Variants in PFKFB3 observed in about 807,000 individuals in gnomAD.
PFKFB3 encodes the protein 6-phosphofructo-2-kinase/fructose-2,6-biphosphatase 3.
PFKFB3 carries 33 observed loss-of-function variants against 68.0 expected under a neutral mutation model. The observed-to-expected ratio is 0.49, with a 90% CI of 0.37 to 0.65. The LOEUF is 0.65. Ranked by LOEUF, PFKFB3 falls within the 30% of genes least tolerant of loss-of-function variation. The pLI is 0.00. For synonymous variants in PFKFB3, 315 were observed against 288.2 expected (o/e 1.09, Z -0.94); for missense variants, 586 against 712.2 (o/e 0.82, Z 2.02).
intron 1 of PFKFB3, among the ~76,000 whole-genome samples, chr10:6,164,751 A>G (rs1842076964): frequency 1.3e-5 from 2 of 152,278 alleles, no homozygotes; most frequent in Admixed American, 1.3e-4. Flanking sequence ...TGTATCATGA[A>G]TAAGTTCAAG....
the PFKFB3 span, among the ~76,000 whole-genome samples, chr10:6,286,629 C>T: frequency 3.1e-4 from 47 of 152,340 alleles, no homozygotes; most frequent in African/African-American, 7.2e-4. Context: ...CTGCCCAACT[C>T]GGCCTCCCAA....
the PFKFB3 span, among the ~76,000 whole-genome samples, chr10:6,284,272 G>T: frequency 6.6e-6 from 1 of 152,114 alleles, no homozygotes; most frequent in African/African-American, 2.4e-5. Flanking sequence ...TTTTTATACC[G>T]GGGTGTTGAA....
rs1472418004 is a variant in PFKFB3, at chr10:6,228,859, A to G, written c.1515+2494A>G. Among the ~76,000 whole-genome samples, 4 of 152,098 alleles carry G rather than the reference A, an allele frequency of 2.6e-5. No individual in the cohort carries two copies. Among genetic ancestry groups the G allele is most frequent in the Non-Finnish European group, 5.9e-5 (4 of 68,010 alleles). ...TGGGTGCAGCCTCCATCTCTAACCC[A>G]TGTGGTCACTTCTGCTCCTCCCAGA... On this transcript the variant is annotated intron_variant, in intron 14 of 14. Transcript: ENST00000379775. The surrounding 1 kb of genome is among the most constrained non-coding windows in gnomAD (Gnocchi z 4.5).
chr10:6,260,948 T>G, the PFKFB3 span, among the ~76,000 whole-genome samples: 1 of 152,198 alleles, frequency 6.6e-6, no homozygotes, highest in Non-Finnish European at 1.5e-5. Flanking sequence ...ATGTGTTCAA[T>G]TTTGGTAGCT....
chr10:6,221,835 C>T (rs1844985802), intron 10 of PFKFB3, 90 bp downstream of exon 10: 4 of 851,536 alleles, frequency 4.7e-6, no homozygotes, highest in African/African-American at 1.7e-5. Flanking sequence ...AGTTCACTTC[C>T]GTGTGGGTTC....
At chr10:6,210,598 C>T (rs544911595) in intron 1 of PFKFB3, among the ~76,000 whole-genome samples, 2 of 27,228 alleles carry the variant, frequency 7.3e-5, no homozygotes, top group African/African-American at 1.7e-4. Flanking sequence ...TTTTAATAGA[C>T]GGGGTTTCGC....
intron 8 of PFKFB3, 39 bp from the exon 9 acceptor site, chr10:6,221,342 G>C (rs1321166762): frequency 6.8e-6 from 11 of 1,610,800 alleles, no homozygotes; most frequent in Non-Finnish European, 9.3e-6. Flanking sequence ...AGGAGCTGCG[G>C]GCATCTGGAA....
rs1448051374 is a variant in PFKFB3, at chr10:6,251,062, G to A, written c.1516-3116G>A. Among the ~76,000 whole-genome samples the A allele has an allele frequency of 4.6e-5, 7 of 152,174 alleles. No individual in the cohort carries two copies. The South Asian group carries it at 1.4e-3, about 32-fold the overall frequency. On this transcript the variant is annotated intron_variant, in intron 14 of 14. Transcript: ENST00000640683. ...CCCCATGGGTATTTTTAGAGGTTCT[G>A]TAGGCTATTCTAATCTGCAGCCTAG...
chr10:6,177,389 T>TTTCTTTTC (rs1554842898), intron 1 of PFKFB3, among the ~76,000 whole-genome samples: 4 of 122,970 alleles, frequency 3.3e-5, no homozygotes, highest in Non-Finnish European at 7.1e-5. Context: ...TCTTTCTTTC[T>TTTCTTTTC]TTCTTTCTTT....
At chr10:6,285,932 A>G in the PFKFB3 span, among the ~76,000 whole-genome samples, 1 of 148,518 alleles carries the variant, frequency 6.7e-6, no homozygotes, top group African/African-American at 2.5e-5. Context: ...TGTATGTACT[A>G]CGTTTTAAAA....
At chr10:6,198,827 C>T (rs77946459), upstream of PFKFB3, among the ~76,000 whole-genome samples, 4,726 of 152,266 alleles carry the variant, frequency 0.031, 214 homozygotes, top group African/African-American at 0.1. Flanking sequence ...CTCTTTAGAA[C>T]GGCATCATAT....
chr10:6,216,011 A>C, intron 3 of PFKFB3, 114 bp from the exon 4 acceptor site: 1 of 981,822 alleles, frequency 1.0e-6, no homozygotes, highest in Non-Finnish European at 1.6e-6. Flanking sequence ...AGCGCTAAGC[A>C]GTGTAGAATG....
At chr10:6,279,399 C>T in the PFKFB3 span, among the ~76,000 whole-genome samples, 1 of 152,206 alleles carries the variant, frequency 6.6e-6, no homozygotes, top group Non-Finnish European at 1.5e-5. Context: ...GGGTTTCTAT[C>T]AACCTTGGGA....
upstream of PFKFB3, among the ~76,000 whole-genome samples, chr10:6,200,080 C>T (rs371410193): frequency 1.3e-5 from 2 of 151,994 alleles, no homozygotes; most frequent in East Asian, 3.9e-4. Flanking sequence ...TCCTAATTGG[C>T]TTTCTTCTTT....
In PFKFB3 at chr10:6,215,340, G is replaced by A. The variant is rs1844498830; in HGVS notation, c.299+23G>A. On this transcript the variant is annotated intron_variant, in intron 3 of 14. Coordinates refer to ENST00000379775, the MANE Select transcript of PFKFB3 (RefSeq NM_004566.4). This position sits in a 1 kb window ranked among gnomAD's most constrained non-coding sequence, Gnocchi z 4.3. ...GAAGTAAGGCTGGGCCGCGGGCGTAGGGCTGGGCTGTGGGAATAAGGCTGG... is the reference window on the plus strand; with the variant it reads ...GAAGTAAGGCTGGGCCGCGGGCGTAAGGCTGGGCTGTGGGAATAAGGCTGG... 6.3e-7 allele frequency: 1 copy of A among 1,581,068 alleles called. No homozygotes were observed. Among genetic ancestry groups the A allele is most frequent in the Non-Finnish European group, 8.7e-7 (1 of 1,151,082 alleles).
rs1329397247 is a variant in PFKFB3, at chr10:6,228,989, C to T, written c.1515+2624C>T. 1.1e-5 allele frequency: 5 copies of T among 437,520 alleles called. No individual in the cohort carries two copies. The highest frequency in any genetic ancestry group is 1.9e-5 in the Non-Finnish European group (4 of 207,658). 27.1% of individuals were successfully genotyped at this position (437,520 alleles called of 1,614,324 possible). ...TCCCTTCCCCACCAGGAGCAGAGGC[C>T]TTCCTGCCACAGAACTTTAATGACA... is the stretch of plus-strand genomic sequence containing the variant. On this transcript the variant is annotated intron_variant, in intron 14 of 14. Transcript: ENST00000379775. This position sits in a 1 kb window ranked among gnomAD's most constrained non-coding sequence, Gnocchi z 4.5.
chr10:6,243,958 C>T (rs140169029), intron 14 of PFKFB3, among the ~76,000 whole-genome samples: 42 of 152,258 alleles, frequency 2.8e-4, no homozygotes, highest in African/African-American at 9.9e-4. Flanking sequence ...CTCCTGGGCT[C>T]AAGCAATCCT....
Position 6,148,731 on chromosome 10 carries a change from C to T in PFKFB3, c.16+3718C>T, listed in dbSNP as rs190258515. Among the ~76,000 whole-genome samples the T allele has an allele frequency of 6.4e-4, 98 of 152,312 alleles. No individual in the cohort carries two copies. In the Middle Eastern group the frequency reaches 0.014, roughly 21 times the overall value. ...ATATCATGACTAACTTTGGGAACCA[C>T]AATGGAGGGACGCTGGGGCAGTTCT... On this transcript the variant is annotated intron_variant, in intron 1 of 14. Coordinates refer to the PFKFB3 transcript ENST00000379789.
intron 1 of PFKFB3, among the ~76,000 whole-genome samples, chr10:6,182,268 A>G (rs907795332): frequency 2.0e-5 from 3 of 151,628 alleles, no homozygotes; most frequent in African/African-American, 7.3e-5. Context: ...CATCCCCCCA[A>G]CATTCACACA....
Sources: allele counts gnomAD v4.1 joint callset (sites outside exome capture counted in the v4.1 genomes callset), GRCh38; gene constraint gnomAD v4.1.1; non-coding constraint Gnocchi (gnomAD v3.1); transcripts MANE v1.5; gene names NCBI Gene and HGNC (gene_info 2026-07-23, HGNC 2026-07-21).